The following PTPRM variants were observed in gnomAD, a reference collection of about 807,000 sequenced individuals.
The protein encoded by PTPRM is receptor-type tyrosine-protein phosphatase mu.
PTPRM carries 47 observed loss-of-function variants against 186.7 expected under a neutral mutation model. That is an observed-to-expected ratio of 0.25 (90% CI 0.20 to 0.32). The LOEUF (loss-of-function observed/expected upper bound fraction) is 0.32, where lower values mean the gene tolerates loss of function less well. PTPRM is among the 10% of genes least tolerant of loss of function. PTPRM has a pLI of 1.00. For missense variants in PTPRM, 1,494 were observed against 1,865.0 expected (o/e 0.80, Z 3.66); for synonymous variants, 668 against 674.9 (o/e 0.99, Z 0.16).
At chr18:7,579,897 T>G (rs183862236) in intron 1 of PTPRM, among the ~76,000 whole-genome samples, 1 of 152,328 alleles carries the variant, frequency 6.6e-6, no homozygotes, top group African/African-American at 2.4e-5. Flanking sequence ...GTGCTTTGAT[T>G]GCAGTAGTTT....
At chr18:8,012,147 G>T (rs2084572405) in intron 7 of PTPRM, among the ~76,000 whole-genome samples, 1 of 152,204 alleles carries the variant, frequency 6.6e-6, no homozygotes, top group East Asian at 1.9e-4. Flanking sequence ...GAGCACTATA[G>T]TGAATTCTCA....
intron 1 of PTPRM, among the ~76,000 whole-genome samples, chr18:7,587,215 T>C (rs1407953885): frequency 1.3e-5 from 2 of 152,212 alleles, no homozygotes; most frequent in African/African-American, 4.8e-5. Context: ...AGAAATCAAC[T>C]GGGCTTTCGA....
chr18:7,644,892 T>C (rs865788833), intron 1 of PTPRM, among the ~76,000 whole-genome samples: 27 of 152,304 alleles, frequency 1.8e-4, no homozygotes, highest in Middle Eastern at 3.4e-3. Flanking sequence ...AATTTTCATT[T>C]TGAAACGATG....
chr18:7,989,164 G>A (rs1256669428), intron 7 of PTPRM, among the ~76,000 whole-genome samples: 1 of 151,508 alleles, frequency 6.6e-6, no homozygotes, highest in East Asian at 1.9e-4. Context: ...ACACAAACCT[G>A]AGAGAGCAGC....
At chr18:7,738,499 G>A (rs894928077) in intron 1 of PTPRM, among the ~76,000 whole-genome samples, 1 of 151,814 alleles carries the variant, frequency 6.6e-6, no homozygotes, top group African/African-American at 2.4e-5. Flanking sequence ...GCAGTGGCAC[G>A]ATCTCAGCTC....
chr18:8,292,833 A>G (rs1267509500), intron 19 of PTPRM, among the ~76,000 whole-genome samples: 1 of 152,184 alleles, frequency 6.6e-6, no homozygotes, highest in Non-Finnish European at 1.5e-5. Flanking sequence ...TCTTTCAGAG[A>G]CAAGCAGAGA....
At chr18:8,013,941 A>T (rs1268585611) in intron 7 of PTPRM, among the ~76,000 whole-genome samples, 9 of 152,218 alleles carry the variant, frequency 5.9e-5, no homozygotes, top group Non-Finnish European at 1.3e-4. Context: ...GCTCTTTTAC[A>T]TCCATTAGTG....
chr18:7,863,214 T>G (rs2047484413), intron 2 of PTPRM, among the ~76,000 whole-genome samples: 1 of 152,116 alleles, frequency 6.6e-6, no homozygotes, highest in South Asian at 2.1e-4. Flanking sequence ...AAAAATTTTT[T>G]CATTATACTT....
chr18:8,398,483 T>C (rs2095855635), intron 32 of PTPRM, among the ~76,000 whole-genome samples: 2 of 151,976 alleles, frequency 1.3e-5, no homozygotes, highest in African/African-American at 4.8e-5. Flanking sequence ...ATATTAAGCC[T>C]GGCCAAACAC....
At chr18:8,343,767 C>T (rs2279075) in intron 23 of PTPRM, among the ~76,000 whole-genome samples, 44,123 of 152,096 alleles carry the variant, frequency 0.29, 7,261 homozygotes, top group Middle Eastern at 0.5. Flanking sequence ...GTTATCGGGC[C>T]ATATTGAGAG....
intron 1 of PTPRM, among the ~76,000 whole-genome samples, chr18:7,653,498 T>C (rs928996601): frequency 2.0e-5 from 3 of 152,052 alleles, no homozygotes; most frequent in Admixed American, 6.5e-5. Flanking sequence ...TAGACCGCAG[T>C]GTGTGTTGTT....
intron 7 of PTPRM, among the ~76,000 whole-genome samples, chr18:8,013,515 G>A (rs1190329448): frequency 1.3e-5 from 2 of 152,196 alleles, no homozygotes; most frequent in Admixed American, 6.5e-5. Context: ...TCAAGTGGAG[G>A]TGGATCTTCA....
intron 1 of PTPRM, among the ~76,000 whole-genome samples, chr18:7,700,165 A>G (rs973339510): frequency 2.6e-5 from 4 of 152,240 alleles, no homozygotes; most frequent in African/African-American, 7.2e-5. Flanking sequence ...AATAATAGAT[A>G]AAATATTTTA....
At chr18:7,788,122 T>C (rs2043175874) in intron 2 of PTPRM, among the ~76,000 whole-genome samples, 1 of 152,094 alleles carries the variant, frequency 6.6e-6, no homozygotes, top group South Asian at 2.1e-4. Context: ...CTCAGAGAAG[T>C]TGAGAAGGAA....
intron 14 of PTPRM, among the ~76,000 whole-genome samples, chr18:8,231,536 C>G (rs148216633): frequency 1.4e-4 from 22 of 152,324 alleles, no homozygotes; most frequent in African/African-American, 5.3e-4. Context: ...TCATACCCAT[C>G]ATAAACATAA....
rs142159630 is a variant in PTPRM, at chr18:8,393,572, TG to T, written c.4209-902del. ...ACTAGTAAGATGTGACTACAGTCTG[TG>T]GTTTAGTTAATAGTATTGTCCCAGC... On this transcript the variant is annotated intron_variant, in intron 31 of 32. Coordinates refer to ENST00000580170, the MANE Select transcript of PTPRM (RefSeq NM_001105244.2). 2.5e-3 allele frequency among the ~76,000 whole-genome samples: 374 copies of T among 152,294 alleles called. 6 individuals are homozygous for T. The South Asian group carries it at 0.03, about 12-fold the overall frequency.
rs546782727 is a variant in PTPRM at position 7,789,247 on chromosome 18, C to T, written c.196+14976C>T. Among the ~76,000 whole-genome samples, 3 of 152,174 alleles carry T rather than the reference C, an allele frequency of 2.0e-5. No individual in the cohort carries two copies. In the East Asian group the frequency reaches 5.8e-4, roughly 29 times the overall value. On this transcript the variant is annotated intron_variant, in intron 2 of 32. Transcript: ENST00000580170. ...GGCTGAGGCAGGAGGATTGCTTGAG[C>T]CAAGGAGGTTGAGGCTGCAGCAAGC...
intron 7 of PTPRM, among the ~76,000 whole-genome samples, chr18:7,979,808 TGGGGAACA>T (rs2082446944): frequency 6.6e-6 from 1 of 152,120 alleles, no homozygotes; most frequent in South Asian, 2.1e-4. Context: ...GCTTGGAGGC[TGGGGAACA>T]GGCTGCACTG....
intron 1 of PTPRM, among the ~76,000 whole-genome samples, chr18:7,691,558 A>AAAATC (rs1438375746): frequency 6.6e-6 from 1 of 152,120 alleles, no homozygotes; most frequent in Non-Finnish European, 1.5e-5. Context: ...ACTGCATATT[A>AAAATC]AAATCAGTGA....
Sources: gnomAD v4.1 joint callset for allele counts (sites outside exome capture counted in the v4.1 genomes callset) on GRCh38, gnomAD v4.1.1 for gene constraint, MANE v1.5 for transcripts, NCBI Gene and HGNC (gene_info 2026-07-23, HGNC 2026-07-21) for gene names.